PPP1R16B: variants seen among roughly 807,000 people sequenced by gnomAD.
PPP1R16B encodes the protein protein phosphatase 1 regulatory subunit 16B.
Under a neutral mutation model 61.7 loss-of-function variants are expected in PPP1R16B, and 14 were observed. The ratio of observed to expected loss-of-function variants is 0.23; its 90% CI spans 0.15 to 0.35. The LOEUF (loss-of-function observed/expected upper bound fraction) is 0.35. Among genes scored for constraint, PPP1R16B ranks in the 10% least tolerant of loss-of-function variants. PPP1R16B has a pLI of 1.00. For missense variants in PPP1R16B, 547 were observed against 752.5 expected (o/e 0.73, Z 3.19); for synonymous variants, 266 against 305.3 (o/e 0.87, Z 1.34).
At chr20:38,809,070 T>C (rs1234303800) in intron 1 of PPP1R16B, among the ~76,000 whole-genome samples, 1 of 151,472 alleles carries the variant, frequency 6.6e-6, no homozygotes, top group African/African-American at 2.4e-5. Flanking sequence ...CAGTACAGCA[T>C]CTGGTGTGGG....
intron 10 of PPP1R16B, among the ~76,000 whole-genome samples, chr20:38,911,823 C>T (rs1218608331): frequency 6.6e-6 from 1 of 152,184 alleles, no homozygotes; most frequent in African/African-American, 2.4e-5. Flanking sequence ...AGGGGTCAGC[C>T]ACTGCTCCTG....
chr20:38,889,772 G>C (rs1000764619), intron 3 of PPP1R16B, 107 bp downstream of exon 3: 2 of 1,192,636 alleles, frequency 1.7e-6, no homozygotes, highest in Non-Finnish European at 2.5e-6. Context: ...GAGGGAATGA[G>C]GGAGGGAGGA....
intron 1 of PPP1R16B, among the ~76,000 whole-genome samples, chr20:38,820,136 G>A (rs374746657): frequency 2.7e-4 from 41 of 152,286 alleles, no homozygotes; most frequent in African/African-American, 9.9e-4. Context: ...GCTGTACAAT[G>A]TTTCATTGTG....
At chr20:38,893,688 C>A (rs2085309363) in intron 3 of PPP1R16B, among the ~76,000 whole-genome samples, 1 of 152,112 alleles carries the variant, frequency 6.6e-6, no homozygotes, top group Non-Finnish European at 1.5e-5. Flanking sequence ...CCACCCACTC[C>A]ATGTGCGCCC....
chr20:38,812,125 A>T (rs2084704819), intron 1 of PPP1R16B, among the ~76,000 whole-genome samples: 1 of 152,122 alleles, frequency 6.6e-6, no homozygotes, highest in Non-Finnish European at 1.5e-5. Context: ...CCAATTAGTA[A>T]CTCAGGCCAA....
At chr20:38,865,844 G>T (rs2085087047) in intron 2 of PPP1R16B, among the ~76,000 whole-genome samples, 1 of 152,158 alleles carries the variant, frequency 6.6e-6, no homozygotes, top group Non-Finnish European at 1.5e-5. Context: ...GTTGAAAAGT[G>T]GCCAGGGGCG....
intron 1 of PPP1R16B, among the ~76,000 whole-genome samples, chr20:38,808,611 GCT>G (rs1446277868): frequency 1.2e-5 from 1 of 85,022 alleles, no homozygotes; most frequent in African/African-American, 4.9e-5. Flanking sequence ...ATACCTAAAA[GCT>G]CTGTGACCCT....
intron 1 of PPP1R16B, among the ~76,000 whole-genome samples, chr20:38,820,883 A>T (rs1474867605): frequency 6.6e-6 from 1 of 151,312 alleles, no homozygotes; most frequent in African/African-American, 2.4e-5. Context: ...ATATATATAT[A>T]TATAAAAATT....
At chr20:38,852,302 G>A (rs1039458254) in intron 2 of PPP1R16B, among the ~76,000 whole-genome samples, 1 of 152,188 alleles carries the variant, frequency 6.6e-6, no homozygotes, top group Non-Finnish European at 1.5e-5. Flanking sequence ...AGCCAGGTCT[G>A]CCTACAAGCA....
chr20:38,822,026 A>G (rs1023453170), intron 1 of PPP1R16B, among the ~76,000 whole-genome samples: 1 of 147,400 alleles, frequency 6.8e-6, no homozygotes, highest in African/African-American at 2.5e-5. Context: ...TATTTACATT[A>G]TATATAATTT....
intron 1 of PPP1R16B, among the ~76,000 whole-genome samples, chr20:38,820,305 T>C (rs2084764356): frequency 6.6e-6 from 1 of 152,206 alleles, no homozygotes; most frequent in Non-Finnish European, 1.5e-5. Context: ...ATGCCTGTAA[T>C]CCCAGCACTT....
chr20:38,883,938 C>T lies in PPP1R16B; in HGVS notation c.251-5657C>T, dbSNP rs1187385000. Among the ~76,000 whole-genome samples, 5 of 152,268 alleles carry T rather than the reference C, an allele frequency of 3.3e-5. No homozygotes were observed. In the South Asian group the frequency reaches 6.2e-4, roughly 19 times the overall value. ...AGAAGGGGAATAACTTGCCTAGAGC[C>T]GCAGCTAAGCAAATGCATGAGAATA... On this transcript the variant is annotated intron_variant, in intron 2 of 10. Coordinates refer to ENST00000299824, the MANE Select transcript of PPP1R16B (RefSeq NM_015568.4).
chr20:38,836,155 T>G lies in PPP1R16B; in HGVS notation c.230T>G (p.Leu77Arg). 2.5e-6 allele frequency: 4 copies of G among 1,611,048 alleles called. No individual in the cohort carries two copies. Among genetic ancestry groups the G allele is most frequent in the Non-Finnish European group, 3.4e-6 (4 of 1,179,420 alleles). The stretch of plus-strand genomic sequence containing the variant: ...AGCGTGGCCCTGCTGGAGGCCTCGC[T>G]GAGGAACGACGCCGAGGAAGGTAGG... The part of the protein sequence containing the change: ...EASVALLEAS[L>R]RNDAEEVRYF... Residue 77 changes from leucine (L) to arginine (R), a missense_variant, in exon 2 of 11, where the codon CTG becomes CGG. Physicochemically the swap from Leu to Arg is moderately radical, Grantham distance 102 (BLOSUM62 -2). Coordinates refer to ENST00000299824, the MANE Select transcript of PPP1R16B (RefSeq NM_015568.4).
At chr20:38,851,400 G>A (rs1056783563) in intron 2 of PPP1R16B, among the ~76,000 whole-genome samples, 4 of 152,004 alleles carry the variant, frequency 2.6e-5, no homozygotes, top group Non-Finnish European at 4.4e-5. Flanking sequence ...AGGAGGTGGA[G>A]GTTGCAGTGA....
intron 2 of PPP1R16B, among the ~76,000 whole-genome samples, chr20:38,845,280 A>G (rs1281448229): frequency 6.6e-6 from 1 of 152,084 alleles, no homozygotes; most frequent in African/African-American, 2.4e-5. Flanking sequence ...GTTTGTGTAC[A>G]TTTAAAAAAC....
At chr20:38,852,234 G>C (rs2084973819) in intron 2 of PPP1R16B, among the ~76,000 whole-genome samples, 1 of 152,172 alleles carries the variant, frequency 6.6e-6, no homozygotes, top group Non-Finnish European at 1.5e-5. Flanking sequence ...TGGTGATCTT[G>C]GCGTAATCAT....
chr20:38,904,254 G>T (rs2085421892), intron 6 of PPP1R16B, among the ~76,000 whole-genome samples: 1 of 152,204 alleles, frequency 6.6e-6, no homozygotes, highest in African/African-American at 2.4e-5. Flanking sequence ...CTCCAATGGG[G>T]CTGTCATTGG....
rs746216652 is a variant in PPP1R16B at position 38,906,110 on chromosome 20, AG to A, written c.822+19del. The A allele has an allele frequency of 1.6e-4, 264 of 1,609,956 alleles. 1 individual carries two copies. The highest frequency in any genetic ancestry group is 2.2e-4 in the Non-Finnish European group (255 of 1,179,076). ...CTGGGGACAGGTAGTTCTCACCCAC[AG>A]GGCTGTGGGGGAGGCCGGCACAGGG... On this transcript the variant is annotated intron_variant, in intron 7 of 10. Transcript: ENST00000299824.
intron 2 of PPP1R16B, among the ~76,000 whole-genome samples, chr20:38,875,629 T>G (rs1220922665): frequency 6.6e-6 from 1 of 152,134 alleles, no homozygotes; most frequent in Non-Finnish European, 1.5e-5. Context: ...GGAAGCAGGG[T>G]CTGGATAAAA....
Sources: gnomAD v4.1 joint callset for allele counts (sites outside exome capture counted in the v4.1 genomes callset) on GRCh38, gnomAD v4.1.1 for gene constraint, MANE v1.5 for transcripts, NCBI Gene and HGNC (gene_info 2026-07-23, HGNC 2026-07-21) for gene names.